The following CACNA1C variants were observed in gnomAD, a reference collection of about 807,000 sequenced individuals.
The protein encoded by CACNA1C is voltage-dependent L-type calcium channel subunit alpha-1C.
A neutral mutation model predicts 229.0 loss-of-function variants in CACNA1C; 30 were observed. That is an observed-to-expected ratio of 0.13 (90% confidence interval 0.10 to 0.18). CACNA1C has a LOEUF of 0.18. CACNA1C is among the 10% of genes least tolerant of loss of function. CACNA1C has a pLI of 1.00. For synonymous variants in CACNA1C, 1,114 were observed against 1,132.5 expected, an observed-to-expected ratio of 0.98 and a Z score of 0.33; for missense variants, 1,658 against 2,845.0, an observed-to-expected ratio of 0.58 and a Z score of 9.49.
intron 1 of CACNA1C, among the ~76,000 whole-genome samples, chr12:1,990,089 A>T (rs973777631): frequency 2.0e-5 from 3 of 152,218 alleles, no homozygotes; most frequent in Non-Finnish European, 2.9e-5. Context: ...TCTCGAAGTT[A>T]AGGTTTCTTG....
chr12:2,096,788 TACA>T (rs1441769943), intron 1 of CACNA1C, among the ~76,000 whole-genome samples: 6 of 152,228 alleles, frequency 3.9e-5, no homozygotes, highest in Non-Finnish European at 7.3e-5. Flanking sequence ...TTTCTCTCTT[TACA>T]ACTATTCTAG....
At position 2,653,743 on chromosome 12, in the gene CACNA1C, G is replaced by A; in HGVS notation, c.4075-92G>A. The stretch of plus-strand genomic sequence containing the variant: ...GGCCCAAACCGGGCAATAGCTGATG[G>A]CTGCAGAGACAGGGATGCGGCGCTC... On this transcript the variant is annotated intron_variant, in intron 32 of 46. Coordinates refer to ENST00000399655, the MANE Select transcript of CACNA1C (RefSeq NM_000719.7). This position sits in a 1 kb window ranked among gnomAD's most constrained non-coding sequence, Gnocchi z 4.7. 1 of 1,079,312 alleles carries A rather than the reference G, an allele frequency of 9.3e-7. No homozygotes were observed. The highest frequency in any genetic ancestry group is 1.4e-6 in the Non-Finnish European group (1 of 709,318). 66.9% of individuals were successfully genotyped at this position (1,079,312 alleles called of 1,614,324 possible).
intron 1 of CACNA1C, among the ~76,000 whole-genome samples, chr12:1,994,238 C>T (rs1018486213): frequency 1.3e-5 from 2 of 152,210 alleles, no homozygotes; most frequent in Admixed American, 6.5e-5. Flanking sequence ...CATACTTACA[C>T]ACTGAAGCTG....
At chr12:2,533,701 G>A (rs117233079) in intron 9 of CACNA1C, among the ~76,000 whole-genome samples, 2,873 of 152,270 alleles carry the variant, frequency 0.019, 39 homozygotes, top group Non-Finnish European at 0.025. Context: ...GGGCAGCCTC[G>A]CTCTTCCTTG....
intron 3 of CACNA1C, among the ~76,000 whole-genome samples, chr12:2,335,549 G>A (rs942741427): frequency 6.6e-6 from 1 of 152,180 alleles, no homozygotes; most frequent in Non-Finnish European, 1.5e-5. Context: ...CATGCACAGC[G>A]TGGCTCCCTC....
At chr12:2,355,881 C>T (rs545752473) in intron 3 of CACNA1C, among the ~76,000 whole-genome samples, 2 of 152,280 alleles carry the variant, frequency 1.3e-5, no homozygotes, top group South Asian at 4.1e-4. Context: ...CAGTGCTGAG[C>T]TGAGAGATCT....
chr12:2,239,886 A>G (rs966548019), intron 3 of CACNA1C, among the ~76,000 whole-genome samples: 5 of 152,248 alleles, frequency 3.3e-5, no homozygotes, highest in African/African-American at 1.2e-4. Flanking sequence ...CGTGATGGCC[A>G]GGGGAGTGGG....
Position 2,397,915 on chromosome 12 carries a change from G to A in CACNA1C, c.478-51061G>A, listed in dbSNP as rs561104912. On this transcript the variant is annotated intron_variant, in intron 3 of 46. Transcript: ENST00000399655. ...GTCCCTCAGATGAGTCACAACAAGC[G>A]CCCTTGGCAGGCAGGAAGGACTTTG... Among the ~76,000 whole-genome samples, 4 of 152,340 alleles carry A rather than the reference G, an allele frequency of 2.6e-5. No individual in the cohort carries two copies. The East Asian group carries it at 7.7e-4, about 29-fold the overall frequency.
chr12:2,360,177 CCACACACA>C (rs373271524), intron 3 of CACNA1C, among the ~76,000 whole-genome samples: 1 of 117,530 alleles, frequency 8.5e-6, no homozygotes, highest in African/African-American at 3.5e-5. Flanking sequence ...CCCCCCCACC[CCACACACA>C]CACACACACA....
intron 29 of CACNA1C, among the ~76,000 whole-genome samples, chr12:2,634,001 G>A (rs973375794): frequency 6.6e-6 from 1 of 152,080 alleles, no homozygotes; most frequent in Admixed American, 6.5e-5. Flanking sequence ...CACACCGCCC[G>A]GCTCCCCGGG....
At chr12:2,534,146 C>T (rs555451144) in intron 9 of CACNA1C, among the ~76,000 whole-genome samples, 1 of 152,238 alleles carries the variant, frequency 6.6e-6, no homozygotes, top group African/African-American at 2.4e-5. Flanking sequence ...AGGGCAAAGA[C>T]CCAGACACAG....
At chr12:2,492,290 C>T (rs914316082) in intron 6 of CACNA1C, among the ~76,000 whole-genome samples, 3 of 152,292 alleles carry the variant, frequency 2.0e-5, no homozygotes, top group South Asian at 2.1e-4. Context: ...ATTCCCAGCA[C>T]GTGAAATTAG....
Position 2,423,202 on chromosome 12 carries a change from C to T in CACNA1C, c.478-25774C>T, listed in dbSNP as rs141764571. Reference sequence around the variant, plus strand: ...TCCAGAGTGAAGCTGCACTTTGGGACGGATGTCAGCTAGTATCTAGTATTC... The same window carrying T: ...TCCAGAGTGAAGCTGCACTTTGGGATGGATGTCAGCTAGTATCTAGTATTC... On this transcript the variant is annotated intron_variant, in intron 3 of 46. Transcript: ENST00000399655. Among the ~76,000 whole-genome samples the T allele has an allele frequency of 2.6e-5, 4 of 152,104 alleles. No individual in the cohort carries two copies. The South Asian group carries it at 6.3e-4, about 24-fold the overall frequency.
chr12:1,984,988 T>C (rs2037275096), intron 1 of CACNA1C, among the ~76,000 whole-genome samples: 1 of 151,894 alleles, frequency 6.6e-6, no homozygotes, highest in African/African-American at 2.4e-5. Flanking sequence ...CAAAACATTA[T>C]TATCCTAGAT....
chr12:2,483,921 C>CA (rs2099687080), intron 5 of CACNA1C, among the ~76,000 whole-genome samples: 1 of 152,210 alleles, frequency 6.6e-6, no homozygotes, highest in Non-Finnish European at 1.5e-5. Context: ...CAGCAATACT[C>CA]ACCAGCGCTC....
chr12:2,600,937 G>T (rs1601682904), intron 21 of CACNA1C, among the ~76,000 whole-genome samples: 1 of 152,202 alleles, frequency 6.6e-6, no homozygotes, highest in East Asian at 1.9e-4. Context: ...TTACAACCCT[G>T]TAGGGTAGAC....
At chr12:2,178,441 G>A (rs963028337) in intron 3 of CACNA1C, among the ~76,000 whole-genome samples, 17 of 152,180 alleles carry the variant, frequency 1.1e-4, no homozygotes, top group Middle Eastern at 3.2e-3. Flanking sequence ...ATGTTTTTCC[G>A]ACAATCCAGG....
intron 3 of CACNA1C, among the ~76,000 whole-genome samples, chr12:2,276,648 A>G (rs1036973002): frequency 2.0e-5 from 3 of 152,180 alleles, no homozygotes; most frequent in African/African-American, 7.2e-5. Context: ...CAGCTTCTAC[A>G]CCTTAATTAG....
intron 3 of CACNA1C, among the ~76,000 whole-genome samples, chr12:2,185,057 A>T (rs895362556): frequency 3.3e-5 from 5 of 149,618 alleles, no homozygotes; most frequent in African/African-American, 1.3e-4. Context: ...TTACAACTCA[A>T]CGCAGCTGTA....
Sources: gnomAD v4.1 joint callset for allele counts (sites outside exome capture counted in the v4.1 genomes callset) on GRCh38, gnomAD v4.1.1 for gene constraint, Gnocchi (gnomAD v3.1) non-coding constraint, MANE v1.5 for transcripts, NCBI Gene and HGNC (gene_info 2026-07-23, HGNC 2026-07-21) for gene names.